Variants in NPL observed in about 807,000 individuals in gnomAD.
The protein encoded by NPL is N-acetylneuraminate pyruvate lyase.
In NPL, 32 loss-of-function variants were observed where a neutral mutation model predicts 41.1. The ratio of observed to expected loss-of-function variants is 0.78; its 90% CI spans 0.59 to 1.05. The LOEUF (loss-of-function observed/expected upper bound fraction) is 1.05, where lower values mean the gene tolerates loss of function less well. Ranked by LOEUF, NPL falls within the 50% of genes least tolerant of loss-of-function variation. NPL has a pLI of 0.00. For missense variants in NPL, 321 were observed against 378.4 expected (o/e 0.85, Z 1.26); for synonymous variants, 128 against 134.9 (o/e 0.95, Z 0.35).
At chr1:182,818,190 G>A (rs1306349645) in intron 8 of NPL, among the ~76,000 whole-genome samples, 1 of 152,188 alleles carries the variant, frequency 6.6e-6, no homozygotes, top group African/African-American at 2.4e-5. Context: ...AAGGTCTTGG[G>A]AGCTCTGTGT....
chr1:182,825,209 C>A (rs541919705), intron 11 of NPL, among the ~76,000 whole-genome samples: 36 of 152,144 alleles, frequency 2.4e-4, no homozygotes, highest in South Asian at 2.1e-3. Flanking sequence ...GATTTGTATC[C>A]CAAGGCAGTG....
intron 3 of NPL, among the ~76,000 whole-genome samples, chr1:182,800,261 C>A (rs1666799490): frequency 6.6e-6 from 1 of 151,798 alleles, no homozygotes; most frequent in Non-Finnish European, 1.5e-5. Flanking sequence ...CCTGGTAAAA[C>A]CCTGTCTCTA....
chr1:182,797,314 C>T (rs1557940316), intron 3 of NPL, among the ~76,000 whole-genome samples: 1 of 152,170 alleles, frequency 6.6e-6, no homozygotes, highest in Non-Finnish European at 1.5e-5. Context: ...ATCATATGGC[C>T]CATGGACCAG....
intron 5 of NPL, among the ~76,000 whole-genome samples, chr1:182,809,015 TA>T (rs1314010667): frequency 6.8e-6 from 1 of 147,004 alleles, no homozygotes; most frequent in Non-Finnish European, 1.5e-5. Context: ...AGGTCTTGGA[TA>T]GGGGGATTTG....
intron 7 of NPL, among the ~76,000 whole-genome samples, chr1:182,816,500 TCTTA>T (rs796311121): frequency 3.0e-4 from 45 of 152,324 alleles, no homozygotes; most frequent in African/African-American, 1.0e-3. Flanking sequence ...AGAATAATCG[TCTTA>T]CTTTGGGCTT....
intron 5 of NPL, chr1:182,809,373 T>G (rs1667113157): frequency 3.5e-6 from 1 of 285,960 alleles, no homozygotes; most frequent in Admixed American, 4.7e-5. Context: ...ACCCCGTCTC[T>G]ACTAAAAATA....
chr1:182,791,009 G>A (rs113832213), intron 1 of NPL, among the ~76,000 whole-genome samples: 2 of 152,254 alleles, frequency 1.3e-5, no homozygotes, highest in East Asian at 1.9e-4. Flanking sequence ...AAACTTTTAC[G>A]TAGTGTAGTT....
intron 12 of NPL, among the ~76,000 whole-genome samples, chr1:182,827,622 T>A (rs901721795): frequency 2.6e-5 from 4 of 152,176 alleles, no homozygotes; most frequent in African/African-American, 7.2e-5. Context: ...ATATATATAT[T>A]TTTTTCAGTA....
chr1:182,815,288 T>C (rs1557949272), intron 7 of NPL, among the ~76,000 whole-genome samples: 1 of 152,222 alleles, frequency 6.6e-6, no homozygotes, highest in Non-Finnish European at 1.5e-5. Flanking sequence ...GAAATATTCA[T>C]TGCCTTCTAG....
intron 3 of NPL, among the ~76,000 whole-genome samples, chr1:182,798,586 C>T (rs1666743665): frequency 6.6e-6 from 1 of 152,182 alleles, no homozygotes; most frequent in Non-Finnish European, 1.5e-5. Context: ...GGCTCACAGT[C>T]ATTAGACCAG....
rs1223495858 is a variant in NPL, at chr1:182,829,821, G to A, written c.*913G>A. ...GTTTAGTGATAGAAGATTTGGGGAG[G>A]ACCCAAAGGACTCAGAACTTTCTCT... is the stretch of plus-strand genomic sequence containing the variant. On this transcript the variant is annotated 3_prime_UTR_variant, in exon 13 of 13. Transcript: ENST00000367553. 1.3e-5 allele frequency: 8 copies of A among 605,994 alleles called. No individual in the cohort carries two copies. The highest frequency in any genetic ancestry group is 1.1e-4 in the African/African-American group (6 of 53,756). 37.5% of individuals were successfully genotyped at this position (605,994 alleles called of 1,614,324 possible).
intron 6 of NPL, among the ~76,000 whole-genome samples, chr1:182,813,722 T>C (rs923260999): frequency 6.6e-6 from 1 of 152,216 alleles, no homozygotes; most frequent in Non-Finnish European, 1.5e-5. Flanking sequence ...GCCAAAGAGA[T>C]AATAACATCG....
intron 4 of NPL, among the ~76,000 whole-genome samples, chr1:182,805,818 C>A (rs146907538): frequency 6.6e-6 from 1 of 152,108 alleles, no homozygotes; most frequent in African/African-American, 2.4e-5. Flanking sequence ...GATTTCCCTG[C>A]CATTCAAGCC....
At position 182,828,813 on chromosome 1, in the gene NPL, A is replaced by G. The variant is rs1667696952; in HGVS notation, c.868A>G (p.Arg290Gly). 2 of 1,614,214 alleles carry G rather than the reference A, an allele frequency of 1.2e-6. No individual in the cohort carries two copies. Among genetic ancestry groups the G allele is most frequent in the South Asian group, 1.1e-5 (1 of 91,086 alleles). ...CCGGCTTCCACTGCAGAAAGCCTCCAGGGAGTTTACTGATAGTGCTGAAGC... is the reference window on the plus strand; with the variant it reads ...CCGGCTTCCACTGCAGAAAGCCTCCGGGGAGTTTACTGATAGTGCTGAAGC... ...PPRLPLQKAS[R>G]EFTDSAEAKL... Residue 290 changes from arginine to glycine, a missense_variant, in exon 13 of 13, where the codon AGG becomes GGG. By Grantham distance (125) the Arg-to-Gly change is moderately radical. Transcript: ENST00000367553. This position sits in a 1 kb window ranked among gnomAD's most constrained non-coding sequence, Gnocchi z 4.0.
intron 3 of NPL, among the ~76,000 whole-genome samples, chr1:182,800,323 C>G (rs1666801945): frequency 6.6e-6 from 1 of 151,102 alleles, no homozygotes; most frequent in Non-Finnish European, 1.5e-5. Flanking sequence ...GTAGTCCTAG[C>G]TACTGGGGAG....
intron 11 of NPL, among the ~76,000 whole-genome samples, chr1:182,823,681 C>G (rs996177565): frequency 1.3e-5 from 2 of 152,212 alleles, no homozygotes; most frequent in African/African-American, 4.8e-5. Flanking sequence ...CTAACCTGTT[C>G]TGAGCAGAAC....
Position 182,828,908 on chromosome 1 carries a change from G to A in NPL, c.963G>A (p.Ter321=). 1 of 1,614,150 alleles carries A rather than the reference G, an allele frequency of 6.2e-7. No individual in the cohort carries two copies. The highest frequency in any genetic ancestry group is 8.5e-7 in the Non-Finnish European group (1 of 1,180,014). The change falls in exon 13 of 13, where the codon TAG becomes TAA. Residue 321 remains the stop codon, a stop_retained_variant. Coordinates refer to ENST00000367553, the MANE Select transcript of NPL (RefSeq NM_030769.3). This position sits in a 1 kb window ranked among gnomAD's most constrained non-coding sequence, Gnocchi z 4.0. ...LKDGNLEAGS[*] ...ATGGAAACTTGGAAGCTGGTAGCTA[G>A]TGCCTCTCTATCAAATCAGGGTTTG...
intron 7 of NPL, 91 bp from the exon 8 acceptor site, chr1:182,816,623 G>C (rs1184895344): frequency 1.1e-6 from 1 of 889,140 alleles, no homozygotes. Flanking sequence ...TGAGAAACAT[G>C]GTTGTGTTTC....
intron 10 of NPL, among the ~76,000 whole-genome samples, chr1:182,819,810 C>G (rs553292921): frequency 1.3e-5 from 2 of 152,176 alleles, no homozygotes; most frequent in African/African-American, 4.8e-5. Context: ...CTATCTTTGT[C>G]AGAACTTATT....
Sources: allele counts gnomAD v4.1 joint callset (sites outside exome capture counted in the v4.1 genomes callset), GRCh38; gene constraint gnomAD v4.1.1; non-coding constraint Gnocchi (gnomAD v3.1); transcripts MANE v1.5; gene names NCBI Gene and HGNC (gene_info 2026-07-23, HGNC 2026-07-21).